The following KYAT1 variants were observed in gnomAD, a reference collection of about 807,000 sequenced individuals.
KYAT1 encodes the protein kynurenine--oxoglutarate transaminase 1.
Under a neutral mutation model 52.4 loss-of-function variants are expected in KYAT1, and 47 were observed. That is an observed-to-expected ratio of 0.90 (90% CI 0.71 to 1.14). The LOEUF is 1.14. Among genes scored for constraint, KYAT1 ranks in the 50% most tolerant of loss-of-function variants. The pLI is 0.00. For missense variants in KYAT1, 480 were observed against 557.9 expected (o/e 0.86, Z 1.41); for synonymous variants, 212 against 209.6 (o/e 1.01, Z -0.10).
intron 11 of KYAT1, among the ~76,000 whole-genome samples, chr9:128,834,252 T>A (rs1485107717): frequency 6.6e-6 from 1 of 151,754 alleles, no homozygotes; most frequent in Non-Finnish European, 1.5e-5. Flanking sequence ...AGAAAATCCA[T>A]CCAAAACAAA....
intron 1 of KYAT1, among the ~76,000 whole-genome samples, chr9:128,853,705 T>C (rs899735360): frequency 7.9e-5 from 12 of 152,234 alleles, no homozygotes; most frequent in Non-Finnish European, 1.8e-4. Flanking sequence ...TCTGCATTCA[T>C]AAAAGCATAA....
chr9:128,837,554 C>T (rs1006358216), intron 6 of KYAT1, 131 bp downstream of exon 6: 1 of 1,070,098 alleles, frequency 9.3e-7, no homozygotes, highest in South Asian at 1.5e-5. Context: ...AGTCTTGGTC[C>T]TCAGTGCTCA....
intron 1 of KYAT1, among the ~76,000 whole-genome samples, chr9:128,866,022 C>T (rs1836316620): frequency 6.6e-6 from 1 of 152,164 alleles, no homozygotes; most frequent in Non-Finnish European, 1.5e-5. Context: ...TCTTTTTATT[C>T]TCAACATCTT....
intron 1 of KYAT1, among the ~76,000 whole-genome samples, chr9:128,870,038 G>A (rs531873200): frequency 3.3e-5 from 5 of 152,022 alleles, no homozygotes; most frequent in Non-Finnish European, 7.3e-5. Flanking sequence ...ACCCGGGCCC[G>A]GCAGATAATG....
At position 128,833,417 on chromosome 9, in the gene KYAT1, G is replaced by T. The variant is rs140186955; in HGVS notation, c.*167C>A. On this transcript the variant is annotated 3_prime_UTR_variant, in exon 13 of 13. Coordinates refer to ENST00000302586, the MANE Select transcript of KYAT1 (RefSeq NM_004059.5). Reference sequence around the variant, plus strand: ...AGACAGGAGGCACTTGGTTCTCTAAGATGAAGAAGGGCGGCTCCCACCCAG... The same window carrying T: ...AGACAGGAGGCACTTGGTTCTCTAATATGAAGAAGGGCGGCTCCCACCCAG... 3 of 712,590 alleles carry T rather than the reference G, an allele frequency of 4.2e-6. No individual in the cohort carries two copies. The highest frequency in any genetic ancestry group is 7.0e-6 in the Non-Finnish European group (3 of 425,748). The allele number at this position is 712,590 out of a possible 1,614,324, so 44.1% of individuals were successfully genotyped here. A position where few individuals can be genotyped will look rare whatever the true frequency, so the allele number is the denominator to read the frequency against.
At chr9:128,857,622 G>T (rs1834842846) in intron 1 of KYAT1, among the ~76,000 whole-genome samples, 1 of 152,100 alleles carries the variant, frequency 6.6e-6, no homozygotes, top group Non-Finnish European at 1.5e-5. Flanking sequence ...GGATCATAAG[G>T]TCAGGAGATC....
At chr9:128,880,791 T>G (rs1488433056) in intron 1 of KYAT1, among the ~76,000 whole-genome samples, 1 of 152,086 alleles carries the variant, frequency 6.6e-6, no homozygotes, top group African/African-American at 2.4e-5. Flanking sequence ...TTCTTTTCTC[T>G]TCTATTAAAA....
Position 128,835,872 on chromosome 9 carries a change from C to T in KYAT1, c.766-4G>A. On this transcript the variant is annotated splice_polypyrimidine_tract_variant and splice_region_variant and intron_variant, in intron 8 of 12. Transcript: ENST00000302586. ...CTGGACCCAGGACCCAGCCCACCTGCAGCAGGGGCGCAGGTAGGGGGAGAG... is the reference window on the plus strand; with the variant it reads ...CTGGACCCAGGACCCAGCCCACCTGTAGCAGGGGCGCAGGTAGGGGGAGAG... 6.2e-7 allele frequency: 1 copy of T among 1,614,156 alleles called. No homozygotes were observed.
chr9:128,845,156 G>A (rs1832862636), intron 2 of KYAT1, among the ~76,000 whole-genome samples, 197 bp downstream of exon 2: 1 of 152,122 alleles, frequency 6.6e-6, no homozygotes, highest in African/African-American at 2.4e-5. Flanking sequence ...CTGTCCTAGT[G>A]GCACAGTCAT....
At chr9:128,870,797 T>C (rs1837116417) in intron 1 of KYAT1, among the ~76,000 whole-genome samples, 2 of 152,116 alleles carry the variant, frequency 1.3e-5, no homozygotes, top group Admixed American at 6.6e-5. Flanking sequence ...GGAGTGACTA[T>C]TTGATGGGTA....
rs1836093464 is a variant in KYAT1 at position 128,865,326 on chromosome 9, TATATATATATATATATATATATA to T, written c.-7+16548_-7+16570del. ...GAGCCTACATATATATATATATATA[TATATATATATATATATATATATA>T]TATATATATATTTTTTTTTTTTTTT... On this transcript the variant is annotated intron_variant, in intron 1 of 12. Transcript: ENST00000302586. Among the ~76,000 whole-genome samples, 5 of 46,640 alleles carry T rather than the reference TATATATATATATATATATATATA, an allele frequency of 1.1e-4. 2 individuals are homozygous for T. The highest frequency in any genetic ancestry group is 6.0e-4 in the African/African-American group (2 of 3,308). 30.6% of individuals were successfully genotyped at this position (46,640 alleles called of 152,430 possible).
rs373186312 is a variant in KYAT1 at position 128,838,419 on chromosome 9, G to A, written c.202-52C>T. 221 of 1,609,132 alleles carry A rather than the reference G, an allele frequency of 1.4e-4. 1 individual carries two copies. The highest frequency in any genetic ancestry group is 1.0e-3 in the African/African-American group (78 of 74,950). On this transcript the variant is annotated intron_variant, in intron 3 of 12. Transcript: ENST00000302586. ...CCAGCTCAGCCTGGGCCCATCCTCCGGCCCAGCTGTATCCAGGCAATTCTA... is the reference window on the plus strand; with the variant it reads ...CCAGCTCAGCCTGGGCCCATCCTCCAGCCCAGCTGTATCCAGGCAATTCTA...
intron 3 of KYAT1, among the ~76,000 whole-genome samples, chr9:128,841,293 G>C (rs1480021051): frequency 6.6e-6 from 1 of 151,658 alleles, no homozygotes; most frequent in Non-Finnish European, 1.5e-5. Flanking sequence ...TCACGAGGTC[G>C]GGAGTTTGAG....
chr9:128,869,601 C>T (rs908530329), intron 1 of KYAT1, among the ~76,000 whole-genome samples: 3 of 152,038 alleles, frequency 2.0e-5, no homozygotes, highest in East Asian at 1.9e-4. Context: ...CCAACAACTT[C>T]GAAAATTTTT....
At chr9:128,866,189 C>G (rs576490311) in intron 1 of KYAT1, among the ~76,000 whole-genome samples, 44 of 152,324 alleles carry the variant, frequency 2.9e-4, no homozygotes, top group Admixed American at 2.9e-3. Flanking sequence ...AAACAAGTAA[C>G]TGGGCCATTT....
At chr9:128,877,906 C>A (rs980249730) in intron 1 of KYAT1, among the ~76,000 whole-genome samples, 2 of 152,136 alleles carry the variant, frequency 1.3e-5, no homozygotes, top group Non-Finnish European at 2.9e-5. Flanking sequence ...ACTGGGGATA[C>A]CATGCCCAGG....
At position 128,838,232 on chromosome 9, in the gene KYAT1, C is replaced by A. The variant is rs774001322; in HGVS notation, c.337G>T (p.Asp113Tyr). 3 of 1,614,224 alleles carry A rather than the reference C, an allele frequency of 1.9e-6. No homozygotes were observed. Among genetic ancestry groups the A allele is most frequent in the Non-Finnish European group, 1.7e-6 (2 of 1,180,040 alleles). The change falls in exon 4 of 13, where the codon GAC (aspartate) becomes TAC (tyrosine). Residue 113 changes from aspartate to tyrosine, a missense_variant. By Grantham distance (160) the Asp-to-Tyr change is radical (BLOSUM62 -3). Coordinates refer to ENST00000302586, the MANE Select transcript of KYAT1 (RefSeq NM_004059.5). ...TGCCCACTCACCTCGTCTCCTTCGT[C>A]CACCAGGGCCTGGAAGGCTGTGAAC... ...ALFTAFQALV[D>Y]EGDEVIIIEP...
chr9:128,861,665 C>T (rs1564487132), intron 1 of KYAT1, among the ~76,000 whole-genome samples: 1 of 152,170 alleles, frequency 6.6e-6, no homozygotes, highest in Non-Finnish European at 1.5e-5. Context: ...CCTTGAGCAA[C>T]AAAGGGTAGT....
chr9:128,834,323 A>ACT (rs1830621536), intron 11 of KYAT1, among the ~76,000 whole-genome samples: 4 of 152,176 alleles, frequency 2.6e-5, no homozygotes, highest in Non-Finnish European at 5.9e-5. Flanking sequence ...CTCCCTGGGT[A>ACT]TAGAGGGCAG....
Sources: gnomAD v4.1 joint callset for allele counts (sites outside exome capture counted in the v4.1 genomes callset) on GRCh38, gnomAD v4.1.1 for gene constraint, MANE v1.5 for transcripts, NCBI Gene and HGNC (gene_info 2026-07-23, HGNC 2026-07-21) for gene names.